The following PPHLN1 variants were observed in gnomAD, a reference collection of about 807,000 sequenced individuals.
PPHLN1 encodes the protein periphilin 1, also known as periphilin-1.
Under a neutral mutation model 51.3 loss-of-function variants are expected in PPHLN1, and 29 were observed. That is an observed-to-expected ratio of 0.57 (90% CI 0.42 to 0.77). PPHLN1 has a LOEUF of 0.77. Among genes scored for constraint, PPHLN1 ranks in the 30% least tolerant of loss-of-function variants. The pLI is 0.00. For synonymous variants in PPHLN1, 147 were observed against 147.8 expected, an observed-to-expected ratio of 0.99 and a Z score of 0.04; for missense variants, 436 against 438.4, an observed-to-expected ratio of 0.99 and a Z score of 0.05.
intron 4 of PPHLN1, among the ~76,000 whole-genome samples, chr12:42,374,128 A>G (rs912086825): frequency 6.6e-6 from 1 of 152,138 alleles, no homozygotes; most frequent in Non-Finnish European, 1.5e-5. Context: ...TAGTTTCTAT[A>G]CTTAGAAGGG....
chr12:42,334,429 G>C (rs928339217), intron 1 of PPHLN1, among the ~76,000 whole-genome samples: 3 of 152,044 alleles, frequency 2.0e-5, no homozygotes, highest in South Asian at 2.1e-4. Flanking sequence ...AGAGAAAATT[G>C]GTTGCTTTGC....
intron 4 of PPHLN1, among the ~76,000 whole-genome samples, chr12:42,357,795 G>A (rs549454751): frequency 1.3e-5 from 2 of 152,188 alleles, no homozygotes; most frequent in East Asian, 1.9e-4. Context: ...AATATATTGT[G>A]TAGTGGTGAA....
downstream of PPHLN1, chr12:42,445,981 T>G: frequency 1.3e-6 from 2 of 1,505,884 alleles, no homozygotes; most frequent in Non-Finnish European, 1.8e-6. Flanking sequence ...AGGCCCTCTT[T>G]GGATTCCAGC....
At chr12:42,445,325 A>G (rs987894964), downstream of PPHLN1, 25 of 560,818 alleles carry the variant, frequency 4.5e-5, no homozygotes, top group Admixed American at 2.2e-4. Context: ...GACTAGCTAA[A>G]CAAATTATCC....
At chr12:42,430,277 TCACACA>T (rs141544668) in intron 9 of PPHLN1, among the ~76,000 whole-genome samples, 5 of 148,872 alleles carry the variant, frequency 3.4e-5, no homozygotes, top group Non-Finnish European at 6.0e-5. Context: ...ACCCCTACAG[TCACACA>T]CACACACACA....
At chr12:42,344,817 T>C (rs954126520) in intron 2 of PPHLN1, among the ~76,000 whole-genome samples, 1 of 151,766 alleles carries the variant, frequency 6.6e-6, no homozygotes, top group Non-Finnish European at 1.5e-5. Flanking sequence ...CAAGCAGTTT[T>C]TGTGCCTCAG....
intron 9 of PPHLN1, among the ~76,000 whole-genome samples, chr12:42,420,347 TA>T (rs1339855689): frequency 2.0e-5 from 3 of 152,062 alleles, no homozygotes; most frequent in Admixed American, 2.0e-4. Context: ...AAAGACAATA[TA>T]AATAGGTTTT....
At chr12:42,402,678 T>TA (rs2078946642) in intron 9 of PPHLN1, among the ~76,000 whole-genome samples, 1 of 152,124 alleles carries the variant, frequency 6.6e-6, no homozygotes, top group South Asian at 2.1e-4. Flanking sequence ...GTTTTTTTTT[T>TA]AAACCTTCTT....
At chr12:42,346,890 A>C (rs1399302021) in intron 2 of PPHLN1, among the ~76,000 whole-genome samples, 4 of 152,072 alleles carry the variant, frequency 2.6e-5, no homozygotes, top group Non-Finnish European at 4.4e-5. Flanking sequence ...TTTTTTAAAA[A>C]AATTATTATT....
chr12:42,351,431 G>C (rs1210137645), intron 2 of PPHLN1: 1 of 152,146 alleles, frequency 6.6e-6, no homozygotes, highest in Non-Finnish European at 1.5e-5. Flanking sequence ...GTTTCCTTTT[G>C]ATCATTCTGG....
At chr12:42,350,297 C>A (rs1357947579) in intron 2 of PPHLN1, 1 of 160,506 alleles carries the variant, frequency 6.2e-6, no homozygotes, top group African/African-American at 2.5e-5. Flanking sequence ...GATGGGCGGC[C>A]GGGCAGAGAC....
chr12:42,342,457 G>A (rs1047576814), intron 2 of PPHLN1, among the ~76,000 whole-genome samples: 16 of 152,152 alleles, frequency 1.1e-4, no homozygotes, highest in African/African-American at 3.9e-4. Flanking sequence ...TTCCACTTAT[G>A]GGGTTCCAGC....
intron 2 of PPHLN1, among the ~76,000 whole-genome samples, chr12:42,347,367 A>T (rs548985735): frequency 2.0e-5 from 3 of 152,366 alleles, no homozygotes; most frequent in Admixed American, 1.3e-4. Flanking sequence ...GCATACAGAA[A>T]GGAAAATTAC....
At chr12:42,428,546 A>G (rs1029854294) in intron 9 of PPHLN1, among the ~76,000 whole-genome samples, 2 of 152,178 alleles carry the variant, frequency 1.3e-5, no homozygotes, top group African/African-American at 4.8e-5. Context: ...GTTCTCACTC[A>G]TATGTGGGAG....
chr12:42,445,260 C>A (rs566719821), downstream of PPHLN1: 53 of 598,826 alleles, frequency 8.9e-5, no homozygotes, highest in South Asian at 9.2e-4. Flanking sequence ...CCAATCACAT[C>A]AATTTTTCCA....
intron 9 of PPHLN1, among the ~76,000 whole-genome samples, chr12:42,430,465 T>C (rs539340892): frequency 3.3e-5 from 5 of 152,316 alleles, no homozygotes; most frequent in South Asian, 2.1e-4. Context: ...TTGTATGCTA[T>C]ACATATTACA....
rs555687807 is a variant in PPHLN1, at chr12:42,371,098, C to T, written c.300-3765C>T. Among the ~76,000 whole-genome samples the T allele has an allele frequency of 6.7e-5, 10 of 150,228 alleles. No homozygotes were observed. In the South Asian group the frequency reaches 8.4e-4, roughly 13 times the overall value. On this transcript the variant is annotated intron_variant, in intron 4 of 9. Coordinates refer to ENST00000358314, the MANE Select transcript of PPHLN1 (RefSeq NM_201439.2). The stretch of plus-strand genomic sequence containing the variant: ...CTGGGATTACAGGCGTGAGCCACCT[C>T]GCCCAGCCTGGTGTTTTTTTTTTTT...
At chr12:42,418,153 A>G (rs2080613807) in intron 9 of PPHLN1, among the ~76,000 whole-genome samples, 1 of 140,332 alleles carries the variant, frequency 7.1e-6, no homozygotes, top group Non-Finnish European at 1.5e-5. Context: ...GTTAGCCAGG[A>G]TGGTCTCGAT....
chr12:42,434,006 C>A (rs1297465262), intron 9 of PPHLN1, among the ~76,000 whole-genome samples: 1 of 152,186 alleles, frequency 6.6e-6, no homozygotes, highest in Admixed American at 6.5e-5. Context: ...GGTTGCTGAA[C>A]AGGTAGAGCT....
Sources: gnomAD v4.1 joint callset for allele counts (sites outside exome capture counted in the v4.1 genomes callset) on GRCh38, gnomAD v4.1.1 for gene constraint, MANE v1.5 for transcripts, NCBI Gene and HGNC (gene_info 2026-07-23, HGNC 2026-07-21) for gene names.